NAALADL2: variants seen among roughly 807,000 people sequenced by gnomAD.
NAALADL2 encodes the protein inactive N-acetylated-alpha-linked acidic dipeptidase-like protein 2.
In NAALADL2, 76 loss-of-function variants were observed where a neutral mutation model predicts 87.2. That is an observed-to-expected ratio of 0.87 (90% CI 0.72 to 1.05). The LOEUF is 1.05. Among genes scored for constraint, NAALADL2 ranks in the 50% least tolerant of loss-of-function variants. The pLI, the probability that NAALADL2 is intolerant of heterozygous loss-of-function variation, is 0.00. For synonymous variants in NAALADL2, 354 were observed against 331.0 expected (o/e 1.07, Z -0.75); for missense variants, 1,089 against 945.8 (o/e 1.15, Z -1.99).
At chr3:174,485,772 GT>G (rs1432139952) in intron 1 of NAALADL2, among the ~76,000 whole-genome samples, 1 of 151,776 alleles carries the variant, frequency 6.6e-6, no homozygotes, top group Non-Finnish European at 1.5e-5. Context: ...GCATGCATGT[GT>G]TCATGAAATA....
chr3:175,278,706 G>A lies in NAALADL2; in HGVS notation c.939+22176G>A, dbSNP rs533874392. Reference sequence around the variant, plus strand: ...TCCTTTCCACAAACCTATTTTTAAGGTAGGTAGCATTATGTTCACTGTGCA... The same window carrying A: ...TCCTTTCCACAAACCTATTTTTAAGATAGGTAGCATTATGTTCACTGTGCA... On this transcript the variant is annotated intron_variant, in intron 4 of 13. Coordinates refer to ENST00000454872, the MANE Select transcript of NAALADL2 (RefSeq NM_207015.3). Among the ~76,000 whole-genome samples the A allele has an allele frequency of 2.6e-5, 4 of 152,164 alleles. No homozygotes were observed. In the South Asian group the frequency reaches 6.2e-4, roughly 24 times the overall value.
At chr3:174,909,589 A>G (rs1733424783) in intron 1 of NAALADL2, among the ~76,000 whole-genome samples, 1 of 152,098 alleles carries the variant, frequency 6.6e-6, no homozygotes, top group Non-Finnish European at 1.5e-5. Context: ...GAAACATTCA[A>G]AATATGGATT....
chr3:175,089,024 G>A (rs1156721673), intron 1 of NAALADL2, among the ~76,000 whole-genome samples: 1 of 150,542 alleles, frequency 6.6e-6, no homozygotes, highest in East Asian at 1.9e-4. Flanking sequence ...AACAGCAGGA[G>A]AAAAAAAAAA....
chr3:175,106,127 A>G (rs1243190517), intron 2 of NAALADL2, among the ~76,000 whole-genome samples: 1 of 152,006 alleles, frequency 6.6e-6, no homozygotes, highest in South Asian at 2.1e-4. Context: ...TATTTTATCC[A>G]TTTGGTTACA....
At chr3:174,931,535 T>C (rs1489993206) in intron 1 of NAALADL2, among the ~76,000 whole-genome samples, 1 of 152,190 alleles carries the variant, frequency 6.6e-6, no homozygotes, top group African/African-American at 2.4e-5. Flanking sequence ...TTAAACATAT[T>C]CATTTGGTTT....
rs762014027 is a variant in NAALADL2, at chr3:175,203,559, T to C, written c.546-30372T>C. On this transcript the variant is annotated intron_variant, in intron 2 of 13. Coordinates refer to ENST00000454872, the MANE Select transcript of NAALADL2 (RefSeq NM_207015.3). ...GTTCTATGAGTCTTCTTGGGATTAC[T>C]GGTTTGTTCTTGCAGTTGATCTGGA... Among the ~76,000 whole-genome samples, 8 of 152,192 alleles carry C rather than the reference T, an allele frequency of 5.3e-5. No homozygotes were observed. The East Asian group carries it at 7.7e-4, about 15-fold the overall frequency.
intron 3 of NAALADL2, among the ~76,000 whole-genome samples, chr3:174,840,670 A>C (rs190784890): frequency 6.6e-6 from 1 of 152,246 alleles, no homozygotes; most frequent in Non-Finnish European, 1.5e-5. Context: ...TTTCATAGGT[A>C]TCTCCCCATT....
chr3:174,905,772 A>T (rs1483516041), intron 1 of NAALADL2, among the ~76,000 whole-genome samples: 2 of 152,030 alleles, frequency 1.3e-5, no homozygotes. Flanking sequence ...CTGATGTAGA[A>T]GGGGCAACCG....
At chr3:174,587,261 C>T (rs1321009309) in intron 2 of NAALADL2, among the ~76,000 whole-genome samples, 2 of 152,090 alleles carry the variant, frequency 1.3e-5, no homozygotes, top group Non-Finnish European at 2.9e-5. Flanking sequence ...GGTTCCAAGT[C>T]TTTGCTATTG....
chr3:175,364,362 G>A (rs917378736), intron 5 of NAALADL2, among the ~76,000 whole-genome samples: 1 of 147,890 alleles, frequency 6.8e-6, no homozygotes. Flanking sequence ...AGAATATGAT[G>A]ATGGGTGAAA....
chr3:174,839,468 T>A (rs1344644083), intron 3 of NAALADL2, among the ~76,000 whole-genome samples: 1 of 151,974 alleles, frequency 6.6e-6, no homozygotes, highest in East Asian at 1.9e-4. Flanking sequence ...CAAAAGCAAA[T>A]GCAATAAAAA....
chr3:174,565,588 G>C (rs551715549), intron 2 of NAALADL2, among the ~76,000 whole-genome samples: 1 of 151,840 alleles, frequency 6.6e-6, no homozygotes, highest in African/African-American at 2.4e-5. Context: ...GGATTTCTTC[G>C]TTGCTTTTAA....
In NAALADL2 at chr3:174,488,880, A is replaced by G. The variant is rs570856470; in HGVS notation, c.-184+47848A>G. Among the ~76,000 whole-genome samples, 13 of 152,210 alleles carry G rather than the reference A, an allele frequency of 8.5e-5. No individual in the cohort carries two copies. The South Asian group carries it at 2.7e-3, about 32-fold the overall frequency. ...CATACATTTTTAAACTAGATCATCT[A>G]AAATCTTTCCATAGCCACCTATTTG... On this transcript the variant is annotated intron_variant, in intron 1 of 3. Transcript: ENST00000434257.
chr3:175,091,776 G>A (rs1013543055), intron 1 of NAALADL2, among the ~76,000 whole-genome samples: 1 of 151,950 alleles, frequency 6.6e-6, no homozygotes, highest in African/African-American at 2.4e-5. Flanking sequence ...GCTGTAATAA[G>A]ATATAGTCAA....
intron 1 of NAALADL2, among the ~76,000 whole-genome samples, chr3:174,455,023 G>C (rs1190009619): frequency 4.0e-5 from 6 of 151,094 alleles, no homozygotes; most frequent in Non-Finnish European, 7.4e-5. Flanking sequence ...ACAAATAAAG[G>C]CTATTTAGAA....
chr3:175,099,319 A>G (rs1016676244), intron 2 of NAALADL2, among the ~76,000 whole-genome samples: 3 of 152,200 alleles, frequency 2.0e-5, no homozygotes, highest in African/African-American at 7.2e-5. Flanking sequence ...TGTATGTCAA[A>G]GCTAGCTCTG....
chr3:174,944,791 T>C (rs1028329762), intron 1 of NAALADL2, among the ~76,000 whole-genome samples: 13 of 152,274 alleles, frequency 8.5e-5, no homozygotes, highest in Admixed American at 4.6e-4. Flanking sequence ...CAAATATCCA[T>C]GAGAGAAGCA....
intron 3 of NAALADL2, among the ~76,000 whole-genome samples, chr3:174,760,158 CA>C (rs907318624): frequency 2.6e-5 from 4 of 151,954 alleles, no homozygotes; most frequent in Non-Finnish European, 5.9e-5. Flanking sequence ...TATTAAGCAG[CA>C]AAAAAACAGT....
At chr3:175,175,172 T>A (rs978516985) in intron 2 of NAALADL2, among the ~76,000 whole-genome samples, 1 of 152,018 alleles carries the variant, frequency 6.6e-6, no homozygotes, top group Admixed American at 6.6e-5. Flanking sequence ...GCTAAAATAA[T>A]CAATTACCCT....
Sources: gnomAD v4.1 joint callset for allele counts (sites outside exome capture counted in the v4.1 genomes callset) on GRCh38, gnomAD v4.1.1 for gene constraint, MANE v1.5 for transcripts, NCBI Gene and HGNC (gene_info 2026-07-23, HGNC 2026-07-21) for gene names.